Variants in RHOBTB1 observed in about 807,000 individuals in gnomAD.
RHOBTB1 encodes Rho related BTB domain containing 1.
RHOBTB1 carries 40 observed loss-of-function variants against 71.6 expected under a neutral mutation model. The observed-to-expected ratio is 0.56, with a 90% CI of 0.43 to 0.73. The LOEUF (loss-of-function observed/expected upper bound fraction) is 0.73, where lower values mean the gene tolerates loss of function less well. Among genes scored for constraint, RHOBTB1 ranks in the 30% least tolerant of loss-of-function variants. The probability of loss-of-function intolerance (pLI) is 0.00; values close to 1 mark genes in which losing one functional copy is unlikely to be tolerated. For synonymous variants in RHOBTB1, 319 were observed against 334.9 expected, an observed-to-expected ratio of 0.95 and a Z score of 0.52; for missense variants, 797 against 894.0, an observed-to-expected ratio of 0.89 and a Z score of 1.38.
chr10:60,991,723 A>AC (rs1216378985), intron 1 of RHOBTB1, among the ~76,000 whole-genome samples: 2 of 151,740 alleles, frequency 1.3e-5, no homozygotes, highest in African/African-American at 4.8e-5. Flanking sequence ...GAGCCACCGC[A>AC]CCCGACCTTC....
At chr10:60,885,095 G>A (rs1339664213) in intron 7 of RHOBTB1, among the ~76,000 whole-genome samples, 1 of 152,044 alleles carries the variant, frequency 6.6e-6, no homozygotes, top group Non-Finnish European at 1.5e-5. Context: ...TAACTTTTTT[G>A]TGGTGTTCTA....
At chr10:60,949,125 A>T (rs756525233), upstream of RHOBTB1, among the ~76,000 whole-genome samples, 3 of 152,144 alleles carry the variant, frequency 2.0e-5, no homozygotes, top group South Asian at 6.2e-4. Context: ...AAATGACTTG[A>T]CCTCCTGGGA....
Position 60,871,520 on chromosome 10 carries a change from T to C in RHOBTB1, c.2053A>G (p.Lys685Glu). Residue 685 changes from lysine (K) to glutamate (E), a missense_variant, in exon 11 of 11, where the codon AAG becomes GAG. Physicochemically the swap from Lys to Glu is moderately conservative, Grantham distance 56. Coordinates refer to ENST00000337910, the MANE Select transcript of RHOBTB1 (RefSeq NM_014836.5). ...GGAGATGAATTCCAGAAGCACCACTTTCGTCTTGAGCGATGCTTATTTAGT... is the reference window on the plus strand; with the variant it reads ...GGAGATGAATTCCAGAAGCACCACTCTCGTCTTGAGCGATGCTTATTTAGT... ...IALNKHRSRR[K>E]WCFWNSSPAV... 1 of 1,614,162 alleles carries C rather than the reference T, an allele frequency of 6.2e-7. No individual in the cohort carries two copies. Among genetic ancestry groups the C allele is most frequent in the African/African-American group, 1.3e-5 (1 of 75,044 alleles).
intron 7 of RHOBTB1, among the ~76,000 whole-genome samples, 155 bp downstream of exon 7, chr10:60,885,957 G>A (rs1385208886): frequency 1.3e-5 from 2 of 152,178 alleles, no homozygotes; most frequent in African/African-American, 4.8e-5. Context: ...CTACTAAGGA[G>A]CAATAGCTCC....
At chr10:60,916,523 C>G (rs985394333) in intron 2 of RHOBTB1, among the ~76,000 whole-genome samples, 2 of 152,130 alleles carry the variant, frequency 1.3e-5, no homozygotes, top group Non-Finnish European at 2.9e-5. Context: ...CAGAAACATA[C>G]CCATTAATAC....
chr10:60,970,299 G>A (rs2134659728), intron 2 of RHOBTB1, among the ~76,000 whole-genome samples: 1 of 152,134 alleles, frequency 6.6e-6, no homozygotes, highest in South Asian at 2.1e-4. Flanking sequence ...GGTGATTTGA[G>A]TGGTAGTCAC....
chr10:60,929,554 A>G (rs1382874866), intron 2 of RHOBTB1, among the ~76,000 whole-genome samples: 1 of 152,156 alleles, frequency 6.6e-6, no homozygotes, highest in Non-Finnish European at 1.5e-5. Context: ...TTAAAGAACT[A>G]TGGAAACCAA....
intron 1 of RHOBTB1, among the ~76,000 whole-genome samples, chr10:61,001,160 C>T (rs544031631): frequency 6.6e-6 from 1 of 152,246 alleles, no homozygotes; most frequent in African/African-American, 2.4e-5. Flanking sequence ...AGCAAGCACC[C>T]TCTGGGGCCC....
intron 2 of RHOBTB1, among the ~76,000 whole-genome samples, chr10:60,934,162 C>T (rs560434774): frequency 6.6e-6 from 1 of 152,284 alleles, no homozygotes; most frequent in Admixed American, 6.5e-5. Context: ...AAACATTCTT[C>T]CTTCATTATG....
At chr10:60,966,794 C>T (rs1294820644) in intron 2 of RHOBTB1, among the ~76,000 whole-genome samples, 3 of 150,932 alleles carry the variant, frequency 2.0e-5, no homozygotes, top group Admixed American at 6.6e-5. Context: ...CCCATTAACT[C>T]GTCATTTACA....
chr10:60,986,738 T>C (rs2086681083), intron 1 of RHOBTB1, among the ~76,000 whole-genome samples: 1 of 152,136 alleles, frequency 6.6e-6, no homozygotes. Context: ...GGCAAAACAG[T>C]ACTTTTGCTT....
intron 1 of RHOBTB1, among the ~76,000 whole-genome samples, chr10:60,990,174 G>C (rs988273523): frequency 1.3e-5 from 2 of 151,688 alleles, no homozygotes; most frequent in Non-Finnish European, 2.9e-5. Flanking sequence ...TAGTAGAGTC[G>C]GGGTTTCACC....
At chr10:60,976,738 T>C (rs2086329437) in intron 2 of RHOBTB1, among the ~76,000 whole-genome samples, 1 of 152,084 alleles carries the variant, frequency 6.6e-6, no homozygotes, top group South Asian at 2.1e-4. Flanking sequence ...ATATACAAAA[T>C]TTTTAATAAT....
chr10:60,879,514 T>A (rs541686981), intron 7 of RHOBTB1, among the ~76,000 whole-genome samples: 198 of 145,656 alleles, frequency 1.4e-3, no homozygotes, highest in African/African-American at 4.8e-3. Context: ...TTTTATTAAT[T>A]TTTTTTTTTT....
At chr10:60,989,939 C>T (rs1247223613) in intron 1 of RHOBTB1, among the ~76,000 whole-genome samples, 1 of 147,262 alleles carries the variant, frequency 6.8e-6, no homozygotes, top group South Asian at 2.1e-4. Context: ...CAGGTTCAAT[C>T]TTTTCTCTCC....
chr10:60,877,839 A>T, intron 8 of RHOBTB1, 69 bp downstream of exon 8: 1 of 1,472,786 alleles, frequency 6.8e-7, no homozygotes, highest in Non-Finnish European at 9.2e-7. Flanking sequence ...CTCTGTAAGA[A>T]TATTTTTATT....
At chr10:60,865,878 C>A (rs572809909), downstream of RHOBTB1, among the ~76,000 whole-genome samples, 12 of 152,278 alleles carry the variant, frequency 7.9e-5, no homozygotes, top group South Asian at 2.1e-3. Flanking sequence ...GTCACCCAGG[C>A]TGGAGTGCAG....
chr10:60,888,136 C>CAATG, intron 6 of RHOBTB1, 76 bp downstream of exon 6: 1 of 1,492,562 alleles, frequency 6.7e-7, no homozygotes, highest in African/African-American at 1.4e-5. Flanking sequence ...GTTCTTCTTT[C>CAATG]TCCTGCTCAT....
intron 1 of RHOBTB1, among the ~76,000 whole-genome samples, chr10:61,000,279 C>G (rs1017601759): frequency 6.6e-6 from 1 of 152,132 alleles, no homozygotes; most frequent in African/African-American, 2.4e-5. Flanking sequence ...ATTTTTGATA[C>G]CTACTTCTTC....
Sources: gnomAD v4.1 joint callset for allele counts (sites outside exome capture counted in the v4.1 genomes callset) on GRCh38, gnomAD v4.1.1 for gene constraint, MANE v1.5 for transcripts, NCBI Gene and HGNC (gene_info 2026-07-23, HGNC 2026-07-21) for gene names.